RGP1: variants seen among roughly 807,000 people sequenced by gnomAD.
RGP1 encodes the protein RAB6A-GEF complex partner protein 2.
In RGP1, 28 loss-of-function variants were observed where a neutral mutation model predicts 44.5. The ratio of observed to expected loss-of-function variants is 0.63; its 90% CI spans 0.47 to 0.86. The LOEUF is 0.86. Ranked by LOEUF, RGP1 falls within the 40% of genes least tolerant of loss-of-function variation. The pLI, the probability that RGP1 is intolerant of heterozygous loss-of-function variation, is 0.00. For synonymous variants in RGP1, 212 were observed against 196.7 expected, an observed-to-expected ratio of 1.08 and a Z score of -0.65; for missense variants, 417 against 490.7, an observed-to-expected ratio of 0.85 and a Z score of 1.42.
the RGP1 span, among the ~76,000 whole-genome samples, chr9:35,770,510 AGAGAG>A: frequency 0.024 from 2,863 of 120,664 alleles, 41 homozygotes; most frequent in Middle Eastern, 0.038. Flanking sequence ...AGAGAGAGAG[AGAGAG>A]AGAGAGAGAG....
the RGP1 span, among the ~76,000 whole-genome samples, chr9:35,781,657 A>G: frequency 6.6e-6 from 1 of 152,098 alleles, no homozygotes; most frequent in Non-Finnish European, 1.5e-5. Context: ...AATGTCCTGA[A>G]TTCGGCATGA....
chr9:35,786,059 T>A, the RGP1 span, among the ~76,000 whole-genome samples: 2 of 152,250 alleles, frequency 1.3e-5, no homozygotes, highest in South Asian at 4.1e-4. Context: ...TGTACATTTT[T>A]GTTTCAGATT....
the RGP1 span, among the ~76,000 whole-genome samples, chr9:35,784,644 G>A: frequency 6.6e-6 from 1 of 151,852 alleles, no homozygotes; most frequent in African/African-American, 2.4e-5. Context: ...GTAGAGATGG[G>A]GTTTCACCAT....
downstream of RGP1, among the ~76,000 whole-genome samples, chr9:35,763,517 A>G (rs1827436658): frequency 6.6e-6 from 1 of 152,248 alleles, no homozygotes; most frequent in Non-Finnish European, 1.5e-5. Context: ...TATGAATAAT[A>G]CAATCCTATT....
chr9:35,767,945 GCCCACCATGACA>G, the RGP1 span, among the ~76,000 whole-genome samples: 1 of 151,884 alleles, frequency 6.6e-6, no homozygotes, highest in East Asian at 1.9e-4. Context: ...GATTACAGGC[GCCCACCATGACA>G]CCCAGCTAAG....
rs1378389100 is a variant in RGP1 at position 35,750,149 on chromosome 9, A to G, written c.117-94A>G. On this transcript the variant is annotated intron_variant, in intron 2 of 8. Coordinates refer to ENST00000378078, the MANE Select transcript of RGP1 (RefSeq NM_001080496.3). ...TTCCTGATCACTAGGACAGCCATCT[A>G]ACCTTGTTGGTTAAGATGGTGTGAT... The G allele has an allele frequency of 1.3e-5, 19 of 1,492,704 alleles. 1 individual carries two copies. In the South Asian group the frequency reaches 2.3e-4, roughly 18 times the overall value. 92.5% of individuals were successfully genotyped at this position (1,492,704 alleles called of 1,614,324 possible).
rs1827327047 is a variant in RGP1, at chr9:35,754,344, GT to G, written c.*1472del. On this transcript the variant is annotated 3_prime_UTR_variant, in exon 9 of 9. Transcript: ENST00000378078. Reference sequence around the variant, plus strand: ...CCCCCTGCTGAGTAGAGCTGGAAAAGTTGTAACTCTGTTTCCTGAGGTGAGG... The same window carrying G: ...CCCCCTGCTGAGTAGAGCTGGAAAAGTGTAACTCTGTTTCCTGAGGTGAGG... 2.0e-6 allele frequency: 1 copy of G among 496,162 alleles called. No homozygotes were observed. Among genetic ancestry groups the G allele is most frequent in the South Asian group, 3.7e-5 (1 of 27,126 alleles). The allele number at this position is 496,162 out of a possible 1,614,324, so 30.7% of individuals were successfully genotyped here.
rs901302921 is a variant in RGP1 at position 35,754,255 on chromosome 9, C to G, written c.*1381C>G. On this transcript the variant is annotated 3_prime_UTR_variant, in exon 9 of 9. Coordinates refer to ENST00000378078, the MANE Select transcript of RGP1 (RefSeq NM_001080496.3). The stretch of plus-strand genomic sequence containing the variant: ...CTGTCTTTCTCCCCTGGGCTCCTGT[C>G]TCACACTATCTCCCTGCCCTCTGCT... 5.0e-6 allele frequency: 6 copies of G among 1,195,724 alleles called. No homozygotes were observed. Among genetic ancestry groups the G allele is most frequent in the Non-Finnish European group, 6.9e-6 (6 of 866,574 alleles). 74.1% of individuals were successfully genotyped at this position (1,195,724 alleles called of 1,614,324 possible).
the RGP1 span, among the ~76,000 whole-genome samples, chr9:35,765,345 A>AT: frequency 7.2e-5 from 11 of 151,936 alleles, no homozygotes; most frequent in Admixed American, 7.2e-4. Flanking sequence ...GTTGTAAGTG[A>AT]ATGTTTTACT....
chr9:35,752,090 C>G lies in RGP1; in HGVS notation c.897C>G (p.Thr299=). 1 of 1,603,612 alleles carries G rather than the reference C, an allele frequency of 6.2e-7. No homozygotes were observed. Among genetic ancestry groups the G allele is most frequent in the Non-Finnish European group, 8.5e-7 (1 of 1,174,458 alleles). ...HQESCLHTTR[T]SFSLPIPLSS... ...AATCCTGCCTACATACAACTAGAAC[C>G]AGCTTCTCCCTCCCAATCCCTCTCA... Residue 299 remains threonine, a synonymous_variant, in exon 8 of 9, where the codon ACC becomes ACG. Coordinates refer to ENST00000378078, the MANE Select transcript of RGP1 (RefSeq NM_001080496.3).
chr9:35,753,583 G>T lies in RGP1; in HGVS notation c.*709G>T. The stretch of plus-strand genomic sequence containing the variant: ...CTCTTCTGTTCATTCTTACATCACA[G>T]CAATCTAGTCACTCCCTGGTCATCC... On this transcript the variant is annotated 3_prime_UTR_variant, in exon 9 of 9. Transcript: ENST00000378078. This position sits in a 1 kb window ranked among gnomAD's most constrained non-coding sequence, Gnocchi z 4.2. 1 of 1,228,550 alleles carries T rather than the reference G, an allele frequency of 8.1e-7. No homozygotes were observed. Among genetic ancestry groups the T allele is most frequent in the Non-Finnish European group, 1.2e-6 (1 of 853,700 alleles). The allele number at this position is 1,228,550 out of a possible 1,614,324, so 76.1% of individuals were successfully genotyped here. A position where few individuals can be genotyped will look rare whatever the true frequency, so the allele number is the denominator to read the frequency against.
Position 35,751,275 on chromosome 9 carries a change from A to T in RGP1, c.497A>T (p.Asp166Val), listed in dbSNP as rs1426932738. Reference sequence around the variant, plus strand: ...CTCATTCTTTCTCTAGGCCTTCAGGATGTCCGGTTTCCCCAGGATGAGGCT... The same window carrying T: ...CTCATTCTTTCTCTAGGCCTTCAGGTTGTCCGGTTTCCCCAGGATGAGGCT... Reference protein sequence around the residue: ...LRVLVLTGLQDVRFPQDEAVA... With the variant: ...LRVLVLTGLQVVRFPQDEAVA... The change falls in exon 6 of 9, where the codon GAT (aspartate) becomes GTT (valine). Residue 166 changes from aspartate (D) to valine (V), a missense_variant. Asp to Val is a radical substitution (Grantham distance 152). Coordinates refer to ENST00000378078, the MANE Select transcript of RGP1 (RefSeq NM_001080496.3). The T allele has an allele frequency of 6.2e-7, 1 of 1,613,834 alleles. No individual in the cohort carries two copies. The highest frequency in any genetic ancestry group is 1.3e-5 in the African/African-American group (1 of 74,986).
chr9:35,761,753 G>T (rs1197859915), downstream of RGP1, among the ~76,000 whole-genome samples: 1 of 152,136 alleles, frequency 6.6e-6, no homozygotes, highest in Admixed American at 6.5e-5. Context: ...TTTACACTTA[G>T]TTATCAAAGC....
chr9:35,750,482 C>A, intron 3 of RGP1, 103 bp downstream of exon 3: 1 of 1,395,090 alleles, frequency 7.2e-7, no homozygotes, highest in Non-Finnish European at 1.0e-6. Flanking sequence ...TTCTTATAGT[C>A]CCTGTCATGC....
Position 35,758,567 on chromosome 9 carries a change from C to T in RGP1, c.*5693C>T, listed in dbSNP as rs1209846066. The T allele has an allele frequency of 6.6e-6, 1 of 151,426 alleles. No individual in the cohort carries two copies. Among genetic ancestry groups the T allele is most frequent in the African/African-American group, 2.4e-5 (1 of 41,156 alleles). 9.4% of individuals were successfully genotyped at this position (151,426 alleles called of 1,614,324 possible). A position where few individuals can be genotyped will look rare whatever the true frequency, so the allele number is the denominator to read the frequency against. ...TGGTCCCAAACAAGCAAATCTGGGT[C>T]AATTAATGAAAAAAAAAAGAAAAGA... On this transcript the variant is annotated 3_prime_UTR_variant, in exon 9 of 9. Coordinates refer to ENST00000378078, the MANE Select transcript of RGP1 (RefSeq NM_001080496.3).
chr9:35,781,881 A>G, the RGP1 span, among the ~76,000 whole-genome samples: 2 of 152,186 alleles, frequency 1.3e-5, no homozygotes, highest in East Asian at 3.9e-4. Flanking sequence ...TCTAATTACA[A>G]TTAGCTGAGT....
Position 35,751,008 on chromosome 9 carries a change from A to T in RGP1, c.487+19A>T. ...CTGACTGGTAAGCAAGGGCTCCTGG[A>T]GGGAAGGGCTGGGGAAGGGCGATGC... On this transcript the variant is annotated intron_variant, in intron 5 of 8. Transcript: ENST00000378078. 4 of 1,612,560 alleles carry T rather than the reference A, an allele frequency of 2.5e-6. No homozygotes were observed. Among genetic ancestry groups the T allele is most frequent in the Non-Finnish European group, 3.4e-6 (4 of 1,179,616 alleles).
At chr9:35,774,723 C>CA in the RGP1 span, among the ~76,000 whole-genome samples, 3 of 150,292 alleles carry the variant, frequency 2.0e-5, no homozygotes, top group East Asian at 5.8e-4. Flanking sequence ...GACTCTGTCT[C>CA]AAAAACAAAA....
Position 35,752,011 on chromosome 9 carries a change from G to T in RGP1, c.818G>T (p.Arg273Leu), listed in dbSNP as rs377250981. 1 of 1,605,788 alleles carries T rather than the reference G, an allele frequency of 6.2e-7. No homozygotes were observed. The highest frequency in any genetic ancestry group is 1.7e-5 in the Admixed American group (1 of 58,702). ...ERVQPEYQRR[R>L]GAGGVPSVSH... ...GTACAGCCTGAGTACCAGCGGCGAC[G>T]TGGGGCAGGGGGTGTCCCCTCTGTG... The change falls in exon 8 of 9, where the codon CGT (arginine) becomes CTT (leucine). Residue 273 changes from arginine (R) to leucine (L), a missense_variant. Coordinates refer to ENST00000378078, the MANE Select transcript of RGP1 (RefSeq NM_001080496.3).
Sources: allele counts gnomAD v4.1 joint callset (sites outside exome capture counted in the v4.1 genomes callset), GRCh38; gene constraint gnomAD v4.1.1; non-coding constraint Gnocchi (gnomAD v3.1); transcripts MANE v1.5; gene names NCBI Gene and HGNC (gene_info 2026-07-23, HGNC 2026-07-21).